Variants in ARHGEF12 observed in about 807,000 individuals in gnomAD.
The protein encoded by ARHGEF12 is KMT2A/ARHGEF12 fusion protein.
In ARHGEF12, 66 loss-of-function variants were observed where a neutral mutation model predicts 211.2. The ratio of observed to expected loss-of-function variants is 0.31; its 90% CI spans 0.26 to 0.38. ARHGEF12 has a LOEUF of 0.38. Among genes scored for constraint, ARHGEF12 ranks in the 10% least tolerant of loss-of-function variants. The pLI is 1.00. For missense variants in ARHGEF12, 1,429 were observed against 1,869.5 expected (o/e 0.76, Z 4.34); for synonymous variants, 592 against 638.4 (o/e 0.93, Z 1.09).
chr11:120,406,497 T>C (rs1041468237), intron 2 of ARHGEF12, among the ~76,000 whole-genome samples: 8 of 152,190 alleles, frequency 5.3e-5, no homozygotes, highest in African/African-American at 1.9e-4. Context: ...TGTGTGACTA[T>C]AATTGCCTTT....
intron 1 of ARHGEF12, among the ~76,000 whole-genome samples, chr11:120,398,796 T>C (rs1944464735): frequency 6.6e-6 from 1 of 152,222 alleles, no homozygotes; most frequent in Non-Finnish European, 1.5e-5. Context: ...AGGTGTTATA[T>C]AGAAGATTTA....
intron 4 of ARHGEF12, chr11:120,409,810 A>G (rs909555748): frequency 1.1e-5 from 2 of 179,324 alleles, no homozygotes; most frequent in African/African-American, 2.4e-5. Flanking sequence ...TCTCATTTGC[A>G]GAGTTTGGAT....
rs1946065073 is a variant in ARHGEF12 at position 120,446,968 on chromosome 11, T to C, written c.1472T>C (p.Leu491Pro). 6.2e-7 allele frequency: 1 copy of C among 1,614,174 alleles called. No homozygotes were observed. Among genetic ancestry groups the C allele is most frequent in the Non-Finnish European group, 8.5e-7 (1 of 1,180,010 alleles). Residue 491 changes from leucine to proline, a missense_variant, in exon 18 of 41, where the codon CTG (leucine) becomes CCG (proline). Physicochemically the swap from Leu to Pro is moderately conservative, Grantham distance 98 (BLOSUM62 -3). Transcript: ENST00000397843. ...EDFRQKRSMG[L>P]TLAESELTKL... ...TTCAGGCAGAAACGTAGTATGGGAC[T>C]GACCTTGGCTGAAAGCGAGCTGACT...
At chr11:120,465,960 G>A (rs1338401571) in intron 28 of ARHGEF12, among the ~76,000 whole-genome samples, 1 of 152,182 alleles carries the variant, frequency 6.6e-6, no homozygotes, top group East Asian at 1.9e-4. Context: ...GCATGAGAAT[G>A]GGTTTATCCA....
intron 1 of ARHGEF12, among the ~76,000 whole-genome samples, chr11:120,345,207 C>T (rs1942666919): frequency 6.6e-6 from 1 of 152,094 alleles, no homozygotes; most frequent in Non-Finnish European, 1.5e-5. Flanking sequence ...CTTTACTGGC[C>T]CATCCAGAAA....
intron 1 of ARHGEF12, among the ~76,000 whole-genome samples, chr11:120,353,608 C>T (rs1943054768): frequency 6.6e-6 from 1 of 152,200 alleles, no homozygotes; most frequent in Non-Finnish European, 1.5e-5. Flanking sequence ...TACCTGGCCC[C>T]TACCCACTGC....
At chr11:120,411,655 T>A (rs1192015745) in intron 4 of ARHGEF12, 1 of 133,364 alleles carries the variant, frequency 7.5e-6, no homozygotes, top group African/African-American at 2.9e-5. Flanking sequence ...AATGGCGGGA[T>A]CATGACTCAC....
chr11:120,451,347 T>G, intron 21 of ARHGEF12, 165 bp from the exon 22 acceptor site: 2 of 563,542 alleles, frequency 3.5e-6, no homozygotes, highest in South Asian at 2.1e-5. Flanking sequence ...CCCAGCTAAT[T>G]TTTGTATTTT....
intron 1 of ARHGEF12, among the ~76,000 whole-genome samples, chr11:120,352,509 G>A (rs540900266): frequency 1.3e-5 from 2 of 152,202 alleles, no homozygotes; most frequent in Non-Finnish European, 2.9e-5. Context: ...TTGTTATAGT[G>A]TTATCTTTAT....
intron 25 of ARHGEF12, 43 bp from the exon 26 acceptor site, chr11:120,459,131 T>C (rs1404761722): frequency 2.0e-6 from 3 of 1,500,140 alleles, no homozygotes; most frequent in South Asian, 1.4e-5. Context: ...TCCCATGGAA[T>C]TGTTCTAAGT....
At chr11:120,422,801 G>T (rs1304635559) in intron 6 of ARHGEF12, among the ~76,000 whole-genome samples, 3 of 152,156 alleles carry the variant, frequency 2.0e-5, no homozygotes, top group Non-Finnish European at 4.4e-5. Flanking sequence ...GTATGTATGA[G>T]AAGAGATGTA....
intron 4 of ARHGEF12, chr11:120,410,642 A>G (rs1944856282): frequency 6.6e-6 from 1 of 152,188 alleles, no homozygotes; most frequent in Admixed American, 6.5e-5. Context: ...GTTTGGTTCT[A>G]AACCAGTTAA....
chr11:120,347,166 TCCTTCCTTCCTTCCTTCC>T (rs1565417058), intron 1 of ARHGEF12, among the ~76,000 whole-genome samples: 2 of 73,272 alleles, frequency 2.7e-5, no homozygotes, highest in Non-Finnish European at 5.2e-5. Context: ...CTTCCTTCCT[TCCTTCCTTCCTTCCTTCC>T]TTTCTTTCTT....
At chr11:120,364,840 C>T (rs1424112907) in intron 1 of ARHGEF12, among the ~76,000 whole-genome samples, 3 of 123,274 alleles carry the variant, frequency 2.4e-5, no homozygotes, top group Middle Eastern at 5.1e-3. Context: ...TTTTTTTGAG[C>T]CAAGTCCCAC....
At chr11:120,431,643 C>T (rs1945537217) in intron 10 of ARHGEF12, 128 bp from the exon 11 acceptor site, 1 of 930,794 alleles carries the variant, frequency 1.1e-6, no homozygotes, top group Non-Finnish European at 1.5e-6. Flanking sequence ...CATACTTGAG[C>T]ATATCAGAAT....
At chr11:120,400,911 C>T (rs1042608881) in intron 1 of ARHGEF12, among the ~76,000 whole-genome samples, 1 of 152,108 alleles carries the variant, frequency 6.6e-6, no homozygotes, top group Non-Finnish European at 1.5e-5. Flanking sequence ...TTGGATTTTG[C>T]ACCAGAACTG....
At chr11:120,341,585 G>C (rs1942538420) in intron 1 of ARHGEF12, among the ~76,000 whole-genome samples, 1 of 152,194 alleles carries the variant, frequency 6.6e-6, no homozygotes, top group Non-Finnish European at 1.5e-5. Context: ...TTCCCAAACT[G>C]ATACGGGTCA....
chr11:120,475,314 A>G (rs377087494), intron 32 of ARHGEF12, 26 bp from the exon 33 acceptor site: 6 of 1,606,604 alleles, frequency 3.7e-6, no homozygotes, highest in East Asian at 2.2e-5. Flanking sequence ...TGTACTTACC[A>G]TTTTTTTCTG....
intron 1 of ARHGEF12, among the ~76,000 whole-genome samples, chr11:120,379,487 G>A (rs929486245): frequency 6.6e-6 from 1 of 151,534 alleles, no homozygotes; most frequent in African/African-American, 2.4e-5. Context: ...CAATCTTATG[G>A]AAAGCATTCA....
Sources: allele counts gnomAD v4.1 joint callset (sites outside exome capture counted in the v4.1 genomes callset), GRCh38; gene constraint gnomAD v4.1.1; transcripts MANE v1.5; gene names NCBI Gene and HGNC (gene_info 2026-07-23, HGNC 2026-07-21).